JPH3: variants seen among roughly 807,000 people sequenced by gnomAD.
JPH3 encodes junctophilin 3.
Under a neutral mutation model 59.6 loss-of-function variants are expected in JPH3, and 11 were observed. The observed-to-expected ratio is 0.18, with a 90% confidence interval of 0.12 to 0.31. JPH3 has a LOEUF of 0.31. JPH3 is among the 10% of genes least tolerant of loss of function. The pLI is 1.00. For synonymous variants in JPH3, 673 were observed against 483.6 expected (o/e 1.39, Z -5.14); for missense variants, 1,202 against 1,105.7 (o/e 1.09, Z -1.24).
chr16:87,690,501 A>C lies in JPH3; in HGVS notation c.2141A>C (p.Asn714Thr). The C allele has an allele frequency of 1.3e-6, 2 of 1,484,022 alleles. No homozygotes were observed. The highest frequency in any genetic ancestry group is 1.8e-6 in the Non-Finnish European group (2 of 1,118,230). 91.9% of individuals were successfully genotyped at this position (1,484,022 alleles called of 1,614,324 possible). Residue 714 changes from asparagine to threonine, a missense_variant, in exon 4 of 5, where the codon AAT (asparagine) becomes ACT (threonine). Transcript: ENST00000284262. ...LPVALESDEE[N>T]GDELKSSTGS... The stretch of plus-strand genomic sequence containing the variant: ...GTCGCTCTAGAGTCCGACGAGGAGA[A>C]TGGGGATGAGCTCAAGTCCAGTACG...
chr16:87,625,820 A>G (rs1161753360), intron 1 of JPH3, among the ~76,000 whole-genome samples: 2 of 151,970 alleles, frequency 1.3e-5, no homozygotes, highest in Non-Finnish European at 2.9e-5. Context: ...GGGACGGGAG[A>G]ACCGCAGCGG....
At chr16:87,656,864 C>CA (rs1400464128) in intron 2 of JPH3, among the ~76,000 whole-genome samples, 4 of 152,144 alleles carry the variant, frequency 2.6e-5, no homozygotes, top group Non-Finnish European at 4.4e-5. Flanking sequence ...ATGCATGGTG[C>CA]CTGTGGTGTT....
intron 1 of JPH3, among the ~76,000 whole-genome samples, chr16:87,636,483 GGAGCAACTGCGGC>G (rs1355019350): frequency 6.6e-6 from 1 of 152,192 alleles, no homozygotes; most frequent in Non-Finnish European, 1.5e-5. Context: ...GCGAGGGAGA[GGAGCAACTGCGGC>G]GAGCGTGGAG....
In JPH3 at chr16:87,644,402, C is replaced by G; in HGVS notation, c.527C>G (p.Ala176Gly). The G allele has an allele frequency of 6.2e-7, 1 of 1,612,594 alleles. No individual in the cohort carries two copies. Among genetic ancestry groups the G allele is most frequent in the Non-Finnish European group, 8.5e-7 (1 of 1,179,736 alleles). The change falls in exon 2 of 5, where the codon GCG becomes GGG. Residue 176 changes from alanine (A) to glycine (G), a missense_variant. Ala to Gly is a moderately conservative substitution (Grantham distance 60). Transcript: ENST00000284262. ...SLRSEHTNGTALHPDASPAVA... is the reference protein window; with the variant it reads ...SLRSEHTNGTGLHPDASPAVA... ...CGCAGCGAGCACACCAACGGCACGG[C>G]GCTGCATCCCGACGCCTCTCCGGCG... is the stretch of plus-strand genomic sequence containing the variant.
chr16:87,619,176 G>GC (rs2031080101), intron 1 of JPH3, among the ~76,000 whole-genome samples: 1 of 152,038 alleles, frequency 6.6e-6, no homozygotes, highest in East Asian at 1.9e-4. Flanking sequence ...AATTAGCTGG[G>GC]CATGGTGGTG....
intron 1 of JPH3, among the ~76,000 whole-genome samples, chr16:87,616,659 C>T (rs935926430): frequency 2.6e-5 from 4 of 152,086 alleles, no homozygotes; most frequent in Admixed American, 2.6e-4. Context: ...TGGTCTCTCC[C>T]GAGGTGGCAT....
At chr16:87,625,584 G>T (rs1012558401) in intron 1 of JPH3, among the ~76,000 whole-genome samples, 1 of 152,186 alleles carries the variant, frequency 6.6e-6, no homozygotes, top group African/African-American at 2.4e-5. Flanking sequence ...GGAGGAGGAG[G>T]ACTGGCCCCA....
chr16:87,603,976 G>A (rs937601481), intron 1 of JPH3: 1 of 643,092 alleles, frequency 1.6e-6, no homozygotes, highest in African/African-American at 2.0e-5. Flanking sequence ...TGCGGCGCCC[G>A]AGGGCCTTCC....
At chr16:87,621,695 G>A (rs1418975612) in intron 1 of JPH3, among the ~76,000 whole-genome samples, 1 of 152,230 alleles carries the variant, frequency 6.6e-6, no homozygotes, top group Non-Finnish European at 1.5e-5. Flanking sequence ...CTGCAATGAG[G>A]GTGGACACTC....
intron 1 of JPH3, among the ~76,000 whole-genome samples, chr16:87,621,579 C>T (rs1028400477): frequency 4.6e-5 from 7 of 152,224 alleles, no homozygotes; most frequent in Non-Finnish European, 7.3e-5. Flanking sequence ...CTACAGCCGC[C>T]AGCCAGGAGC....
At chr16:87,690,677 C>T in intron 4 of JPH3, 151 bp downstream of exon 4, 3 of 827,436 alleles carry the variant, frequency 3.6e-6, no homozygotes, top group Non-Finnish European at 5.0e-6. Flanking sequence ...GAGTGGTGGC[C>T]CTCAGGTCGC....
chr16:87,624,771 T>G (rs2031310152), intron 1 of JPH3, among the ~76,000 whole-genome samples: 1 of 152,200 alleles, frequency 6.6e-6, no homozygotes, highest in African/African-American at 2.4e-5. Context: ...GTTGAACACA[T>G]ACCCCACAGC....
intron 4 of JPH3, chr16:87,695,497 T>A (rs1194965020): frequency 4.4e-6 from 2 of 454,668 alleles, no homozygotes; most frequent in Non-Finnish European, 8.8e-6. Flanking sequence ...GGGGTCTACA[T>A]CTCCTTCCAG....
chr16:87,666,148 G>C (rs747244276), intron 2 of JPH3, among the ~76,000 whole-genome samples: 3 of 151,566 alleles, frequency 2.0e-5, no homozygotes, highest in Non-Finnish European at 4.4e-5. Context: ...GAGTGCAGCG[G>C]CATGGTCTTG....
intron 2 of JPH3, among the ~76,000 whole-genome samples, chr16:87,661,172 C>A (rs1315284637): frequency 6.6e-6 from 1 of 152,204 alleles, no homozygotes; most frequent in Non-Finnish European, 1.5e-5. Flanking sequence ...ACCTTCAGAG[C>A]CAGCGGGGCA....
intron 2 of JPH3, among the ~76,000 whole-genome samples, chr16:87,658,854 C>A (rs2032599761): frequency 6.6e-6 from 1 of 152,252 alleles, no homozygotes; most frequent in Non-Finnish European, 1.5e-5. Flanking sequence ...GGTGGCCCCC[C>A]AGCCCCTATT....
intron 1 of JPH3, among the ~76,000 whole-genome samples, chr16:87,629,369 T>C (rs2031487843): frequency 6.6e-6 from 1 of 152,036 alleles, no homozygotes; most frequent in African/African-American, 2.4e-5. Flanking sequence ...AACGTATATT[T>C]GATTTAAAAG....
At chr16:87,679,629 G>A (rs912974412) in intron 2 of JPH3, among the ~76,000 whole-genome samples, 1 of 152,246 alleles carries the variant, frequency 6.6e-6, no homozygotes, top group Non-Finnish European at 1.5e-5. Context: ...GGGTTGGGAA[G>A]CTGGTGTTCG....
intron 2 of JPH3, among the ~76,000 whole-genome samples, chr16:87,646,752 G>A (rs1269453237): frequency 6.6e-6 from 1 of 152,170 alleles, no homozygotes; most frequent in African/African-American, 2.4e-5. Context: ...GAGGAAGCTC[G>A]TGGCAGCTTC....
Sources: allele counts gnomAD v4.1 joint callset (sites outside exome capture counted in the v4.1 genomes callset), GRCh38; gene constraint gnomAD v4.1.1; transcripts MANE v1.5; gene names NCBI Gene and HGNC (gene_info 2026-07-23, HGNC 2026-07-21).